TNRC6B: variants seen among roughly 807,000 people sequenced by gnomAD.
TNRC6B encodes the protein trinucleotide repeat-containing gene 6B protein.
TNRC6B carries 52 observed loss-of-function variants against 203.6 expected under a neutral mutation model. That is an observed-to-expected ratio of 0.26 (90% CI 0.20 to 0.32). The LOEUF (loss-of-function observed/expected upper bound fraction) is 0.32. Among genes scored for constraint, TNRC6B ranks in the 10% least tolerant of loss-of-function variants. The pLI is 1.00. For synonymous variants in TNRC6B, 838 were observed against 845.7 expected (o/e 0.99, Z 0.16); for missense variants, 1,923 against 2,286.2 (o/e 0.84, Z 3.24).
chr22:40,319,646 G>C (rs1469421028), intron 21 of TNRC6B, among the ~76,000 whole-genome samples: 1 of 152,038 alleles, frequency 6.6e-6, no homozygotes, highest in Non-Finnish European at 1.5e-5. Context: ...GGATGGTCTT[G>C]ATCTCCTGAC....
At chr22:40,107,090 G>C (rs148282160) in intron 1 of TNRC6B, 2 of 690,792 alleles carry the variant, frequency 2.9e-6, no homozygotes, top group African/African-American at 1.8e-5. Context: ...AAAGAGGGAG[G>C]GTATCTTTTG....
intron 17 of TNRC6B, among the ~76,000 whole-genome samples, chr22:40,312,300 CACAG>C (rs1418094811): frequency 6.6e-6 from 1 of 152,150 alleles, no homozygotes; most frequent in Non-Finnish European, 1.5e-5. Context: ...AGTTGACTGC[CACAG>C]ACAGTGTGAT....
intron 1 of TNRC6B, among the ~76,000 whole-genome samples, chr22:40,180,413 T>C (rs2069116740): frequency 6.6e-6 from 1 of 152,218 alleles, no homozygotes; most frequent in Non-Finnish European, 1.5e-5. Flanking sequence ...GTACCTGCTG[T>C]CTTAGGCAGA....
rs763244893 is a variant in TNRC6B, at chr22:40,266,196, G to A, written c.1966G>A (p.Ala656Thr). 52 of 1,612,122 alleles carry A rather than the reference G, an allele frequency of 3.2e-5. No homozygotes were observed. Among genetic ancestry groups the A allele is most frequent in the East Asian group, 6.7e-5 (3 of 44,858 alleles). Residue 656 changes from alanine (A) to threonine (T), a missense_variant, in exon 5 of 23, where the codon GCT becomes ACT. By Grantham distance (58) the Ala-to-Thr change is moderately conservative. Coordinates refer to ENST00000454349, the MANE Select transcript of TNRC6B (RefSeq NM_001162501.2). ...CAAAGGAACTGAGGGGTGGGAGAGC[G>A]CTGCCACACAGACCAAGAACTCAGG... is the stretch of plus-strand genomic sequence containing the variant. ...SDKGTEGWES[A>T]ATQTKNSGGW... is the part of the protein sequence containing the mutation.
intron 1 of TNRC6B, among the ~76,000 whole-genome samples, chr22:40,199,107 G>A (rs1027700303): frequency 8.5e-5 from 13 of 152,062 alleles, no homozygotes; most frequent in Non-Finnish European, 1.5e-4. Context: ...GGTTCCCACT[G>A]GCCAAATCTG....
At chr22:40,318,964 C>T (rs55668599) in intron 21 of TNRC6B, among the ~76,000 whole-genome samples, 3,839 of 151,950 alleles carry the variant, frequency 0.025, 180 homozygotes, top group African/African-American at 0.089. Flanking sequence ...CCACCTCAGT[C>T]GGGAAGCTGA....
chr22:40,065,383 C>T (rs540948276), intron 1 of TNRC6B, among the ~76,000 whole-genome samples: 49 of 152,220 alleles, frequency 3.2e-4, no homozygotes, highest in African/African-American at 1.1e-3. Flanking sequence ...TGGCGTCAAG[C>T]AACCCTCCCA....
intron 1 of TNRC6B, among the ~76,000 whole-genome samples, chr22:40,199,180 A>G (rs1217645849): frequency 6.6e-6 from 1 of 152,118 alleles, no homozygotes; most frequent in Non-Finnish European, 1.5e-5. Flanking sequence ...AAAAAAGAAA[A>G]CTAAGAGTTC....
At chr22:40,159,214 C>T (rs1025078585) in intron 4 of TNRC6B, among the ~76,000 whole-genome samples, 8 of 151,202 alleles carry the variant, frequency 5.3e-5, no homozygotes, top group Non-Finnish European at 1.0e-4. Flanking sequence ...CTGCCCGCCT[C>T]GGCCTCCCAA....
chr22:40,114,946 A>G (rs2068373481), intron 1 of TNRC6B, among the ~76,000 whole-genome samples: 1 of 152,196 alleles, frequency 6.6e-6, no homozygotes. Context: ...ATTAATTTTT[A>G]TGTTTATTTT....
At chr22:40,313,641 A>G (rs575170023) in intron 19 of TNRC6B, among the ~76,000 whole-genome samples, 4 of 152,348 alleles carry the variant, frequency 2.6e-5, no homozygotes, top group African/African-American at 9.6e-5. Context: ...TAAAGTCATT[A>G]TGACTTACGT....
In TNRC6B at chr22:40,331,417, C is replaced by T; in HGVS notation, c.*8176C>T. ...TTTCACCTCTTCTCCCCACTCCTAT[C>T]TTCTAAAGAAATATCAAGCAAATGC... On this transcript the variant is annotated 3_prime_UTR_variant, in exon 23 of 23. Coordinates refer to ENST00000454349, the MANE Select transcript of TNRC6B (RefSeq NM_001162501.2). 3.1e-6 allele frequency: 1 copy of T among 318,570 alleles called. No homozygotes were observed. The allele number at this position is 318,570 out of a possible 1,614,324, so 19.7% of individuals were successfully genotyped here. A position where few individuals can be genotyped will look rare whatever the true frequency, so the allele number is the denominator to read the frequency against.
intron 9 of TNRC6B, 42 bp downstream of exon 9, chr22:40,278,086 T>A: frequency 6.6e-7 from 1 of 1,507,008 alleles, no homozygotes; most frequent in East Asian, 2.4e-5. Flanking sequence ...ATATCAGTGT[T>A]ACAGTGTCCT....
intron 3 of TNRC6B, among the ~76,000 whole-genome samples, chr22:40,256,197 G>C (rs1569040300): frequency 6.6e-6 from 1 of 152,178 alleles, no homozygotes; most frequent in Admixed American, 6.5e-5. Flanking sequence ...TTCATTCTTT[G>C]AGGGTGAAGA....
At chr22:40,308,860 C>T (rs1201756976) in intron 16 of TNRC6B, among the ~76,000 whole-genome samples, 1 of 152,236 alleles carries the variant, frequency 6.6e-6, no homozygotes, top group Non-Finnish European at 1.5e-5. Context: ...TTTTCAGCCA[C>T]CATGATTGAG....
At chr22:40,096,320 TG>T (rs1344763315) in intron 1 of TNRC6B, among the ~76,000 whole-genome samples, 1 of 152,142 alleles carries the variant, frequency 6.6e-6, no homozygotes, top group Non-Finnish European at 1.5e-5. Flanking sequence ...TAAGAAACCA[TG>T]GTTGTTATGG....
intron 21 of TNRC6B, among the ~76,000 whole-genome samples, chr22:40,317,514 G>A (rs1348914332): frequency 6.6e-6 from 1 of 152,192 alleles, no homozygotes; most frequent in Non-Finnish European, 1.5e-5. Context: ...GGAGGCAGAG[G>A]TTGCAGTGAG....
chr22:40,165,761 A>G (rs992293083), intron 4 of TNRC6B, among the ~76,000 whole-genome samples: 1 of 152,038 alleles, frequency 6.6e-6, no homozygotes, highest in Non-Finnish European at 1.5e-5. Context: ...AATGGGGGGG[A>G]AAGCTCCTTA....
chr22:40,132,663 G>C (rs1486826391), intron 3 of TNRC6B, among the ~76,000 whole-genome samples: 3 of 135,934 alleles, frequency 2.2e-5, no homozygotes, highest in Non-Finnish European at 4.7e-5. Context: ...AAAAAAAAAG[G>C]CTGGGCGCAG....
Sources: allele counts gnomAD v4.1 joint callset (sites outside exome capture counted in the v4.1 genomes callset), GRCh38; gene constraint gnomAD v4.1.1; transcripts MANE v1.5; gene names NCBI Gene and HGNC (gene_info 2026-07-23, HGNC 2026-07-21).